The following TJP1 variants were observed in gnomAD, a reference collection of about 807,000 sequenced individuals.
The protein encoded by TJP1 is tight junction protein ZO-1.
In TJP1, 43 loss-of-function variants were observed where a neutral mutation model predicts 194.2. The ratio of observed to expected loss-of-function variants is 0.22; its 90% confidence interval spans 0.17 to 0.29. The LOEUF (loss-of-function observed/expected upper bound fraction) is 0.29. Ranked by LOEUF, TJP1 falls within the 10% of genes least tolerant of loss-of-function variation. TJP1 has a pLI of 1.00. For synonymous variants in TJP1, 801 were observed against 779.0 expected, an observed-to-expected ratio of 1.03 and a Z score of -0.47; for missense variants, 1,971 against 2,185.7, an observed-to-expected ratio of 0.90 and a Z score of 1.96.
In TJP1 at chr15:29,718,660, G is replaced by A. The variant is rs779525628; in HGVS notation, c.3482C>T (p.Pro1161Leu). 8 of 1,614,136 alleles carry A rather than the reference G, an allele frequency of 5.0e-6. No individual in the cohort carries two copies. The highest frequency in any genetic ancestry group is 1.7e-4 in the Middle Eastern group (1 of 6,060). ...ACCATGTGTGTCATACCCAGGAGCT[G>A]GCTGCTCTTCGTGCCGCAGGGCGGA... ...RASALRHEEQ[P>L]APGYDTHGRL... is the part of the protein sequence containing the mutation. The change falls in exon 21 of 28, where the codon CCA becomes CTA. Residue 1161 changes from proline to leucine, a missense_variant. This residue lies in a region of TJP1 where 1,108 missense variants were observed against 1,128.5 expected (regional missense o/e 0.98). Coordinates refer to ENST00000614355, the MANE Select transcript of TJP1 (RefSeq NM_001330239.4).
chr15:29,935,249 T>C (rs1321270694), intron 2 of TJP1, among the ~76,000 whole-genome samples: 1 of 152,242 alleles, frequency 6.6e-6, no homozygotes, highest in East Asian at 1.9e-4. Flanking sequence ...AAGCGTTCCT[T>C]ATTCTCAAAA....
intron 2 of TJP1, among the ~76,000 whole-genome samples, chr15:29,797,583 A>T (rs2048496840): frequency 8.3e-6 from 1 of 119,900 alleles, no homozygotes. Flanking sequence ...TGAATACGTT[A>T]AAAAAAAAAA....
chr15:29,963,812 C>A (rs2056243473), intron 1 of TJP1, among the ~76,000 whole-genome samples: 2 of 152,086 alleles, frequency 1.3e-5, no homozygotes, highest in African/African-American at 4.8e-5. Flanking sequence ...CGCCATCACG[C>A]CCAGCTAATT....
chr15:29,864,492 A>C (rs2052230215), intron 2 of TJP1, among the ~76,000 whole-genome samples: 1 of 152,162 alleles, frequency 6.6e-6, no homozygotes. Context: ...AACCCATGGC[A>C]GGGGCTTATT....
chr15:29,853,132 A>G (rs926386656), intron 2 of TJP1, among the ~76,000 whole-genome samples: 1 of 152,244 alleles, frequency 6.6e-6, no homozygotes. Context: ...GTTGAGTAAA[A>G]TAAGCCAATC....
At chr15:29,710,735 G>T in intron 24 of TJP1, 96 bp downstream of exon 24, 2 of 1,479,570 alleles carry the variant, frequency 1.4e-6, no homozygotes, top group Non-Finnish European at 1.9e-6. Flanking sequence ...TTTCAAGCAT[G>T]TATTTTTTAA....
chr15:29,705,304 T>A lies in TJP1; in HGVS notation c.5068+224A>T, dbSNP rs76399306. Reference sequence around the variant, plus strand: ...CCCGTGGCCTGTCCTATGCCATCATTTTTTATTTCACACCAAAAGTAAAAG... The same window carrying A: ...CCCGTGGCCTGTCCTATGCCATCATATTTTATTTCACACCAAAAGTAAAAG... On this transcript the variant is annotated intron_variant, in intron 26 of 27. Coordinates refer to ENST00000614355, the MANE Select transcript of TJP1 (RefSeq NM_001330239.4). Among the ~76,000 whole-genome samples the A allele has an allele frequency of 8.3e-3, 1,270 of 152,314 alleles. 20 individuals are homozygous for A. The highest frequency in any genetic ancestry group is 0.029 in the African/African-American group (1,186 of 41,562).
intron 2 of TJP1, among the ~76,000 whole-genome samples, chr15:29,851,302 C>A (rs991461459): frequency 6.6e-6 from 1 of 152,030 alleles, no homozygotes; most frequent in African/African-American, 2.4e-5. Context: ...GATATCACTA[C>A]AGACCCTACA....
At chr15:29,864,777 G>T (rs1299339298) in intron 2 of TJP1, among the ~76,000 whole-genome samples, 1 of 152,034 alleles carries the variant, frequency 6.6e-6, no homozygotes, top group Admixed American at 6.5e-5. Context: ...AGCTACGTGG[G>T]GGGCTTTCTG....
chr15:29,711,073 A>G (rs2042214446), intron 23 of TJP1, 73 bp from the exon 24 acceptor site: 3 of 1,461,242 alleles, frequency 2.1e-6, no homozygotes, highest in East Asian at 4.7e-5. Context: ...TCATTTCTCC[A>G]TGTATCTCTA....
intron 2 of TJP1, among the ~76,000 whole-genome samples, chr15:29,944,943 T>C (rs1008071108): frequency 2.6e-5 from 4 of 152,242 alleles, no homozygotes; most frequent in Admixed American, 6.5e-5. Flanking sequence ...GCTTTTCAAC[T>C]GTATGAGGTT....
intron 2 of TJP1, among the ~76,000 whole-genome samples, chr15:29,785,779 T>C (rs2047663170): frequency 6.6e-6 from 1 of 152,190 alleles, no homozygotes; most frequent in Non-Finnish European, 1.5e-5. Flanking sequence ...AGCCATTTGT[T>C]TTCACAGTGG....
intron 1 of TJP1, among the ~76,000 whole-genome samples, chr15:29,957,583 A>G (rs1178840170): frequency 6.6e-6 from 1 of 152,232 alleles, no homozygotes; most frequent in East Asian, 1.9e-4. Context: ...TAATCCATAC[A>G]GAACTATTTC....
At chr15:29,732,352 T>C in intron 15 of TJP1, 81 bp downstream of exon 15, 1 of 1,224,862 alleles carries the variant, frequency 8.2e-7, no homozygotes, top group Non-Finnish European at 1.2e-6. Context: ...GTCTTATTTT[T>C]ATTGAATGAG....
At chr15:29,839,956 G>A (rs1393261628) in intron 2 of TJP1, among the ~76,000 whole-genome samples, 1 of 152,136 alleles carries the variant, frequency 6.6e-6, no homozygotes, top group African/African-American at 2.4e-5. Context: ...TGTGTGTAAT[G>A]ATACCTTGTG....
At chr15:29,871,947 G>A (rs562748308) in intron 2 of TJP1, among the ~76,000 whole-genome samples, 1 of 152,348 alleles carries the variant, frequency 6.6e-6, no homozygotes, top group South Asian at 2.1e-4. Flanking sequence ...TCTTTGAATG[G>A]AAGGCCTTAG....
At chr15:29,945,855 T>C (rs2055264234) in intron 2 of TJP1, among the ~76,000 whole-genome samples, 1 of 152,114 alleles carries the variant, frequency 6.6e-6, no homozygotes, top group Non-Finnish European at 1.5e-5. Context: ...TGCTTGCATG[T>C]TCATTTATAT....
intron 2 of TJP1, among the ~76,000 whole-genome samples, chr15:29,945,921 T>C (rs1341375779): frequency 6.6e-6 from 1 of 152,060 alleles, no homozygotes; most frequent in Non-Finnish European, 1.5e-5. Context: ...GTACAGTACA[T>C]CAAAGAAATA....
At chr15:29,773,948 C>T (rs1412675242) in intron 2 of TJP1, among the ~76,000 whole-genome samples, 1 of 152,096 alleles carries the variant, frequency 6.6e-6, no homozygotes, top group Non-Finnish European at 1.5e-5. Context: ...TAATAAGCTA[C>T]ACACTTCTGA....
Sources: allele counts gnomAD v4.1 joint callset (sites outside exome capture counted in the v4.1 genomes callset), GRCh38; gene constraint gnomAD v4.1.1; regional missense constraint gnomAD v4.1.1; transcripts MANE v1.5; gene names NCBI Gene and HGNC (gene_info 2026-07-23, HGNC 2026-07-21).